Variants in INKA2 observed in about 807,000 individuals in gnomAD.
INKA2 encodes inka box actin regulator 2.
Under a neutral mutation model 9.8 loss-of-function variants are expected in INKA2, and 3 were observed. The ratio of observed to expected loss-of-function variants is 0.31; its 90% CI spans 0.14 to 0.79. The LOEUF is 0.79. Among genes scored for constraint, INKA2 ranks in the 30% least tolerant of loss-of-function variants. The probability of loss-of-function intolerance (pLI) is 0.62; values close to 1 mark genes in which losing one functional copy is unlikely to be tolerated. For missense variants in INKA2, 392 were observed against 384.4 expected (o/e 1.02, Z -0.17); for synonymous variants, 147 against 143.3 (o/e 1.03, Z -0.18).
chr1:111,754,030 AG>A (rs1413681336), intron 1 of INKA2: 3 of 152,394 alleles, frequency 2.0e-5, no homozygotes, highest in Middle Eastern at 3.4e-3. Flanking sequence ...CTCTGGCCAG[AG>A]AAACCATTCA....
At chr1:111,749,422 GT>G (rs1309259434) in intron 1 of INKA2, among the ~76,000 whole-genome samples, 79 of 64,362 alleles carry the variant, frequency 1.2e-3, no homozygotes, top group African/African-American at 6.0e-3. Context: ...GTGTGTTGGG[GT>G]GTGTGTGTGT....
At chr1:111,744,375 A>C (rs573132383), upstream of INKA2, 1 of 152,306 alleles carries the variant, frequency 6.6e-6, no homozygotes, top group African/African-American at 2.4e-5. Context: ...TCTCTTACAG[A>C]TGGAGCAACT....
Position 111,723,183 on chromosome 1 carries a change from T to C in INKA2, c.*3785A>G, listed in dbSNP as rs1662686335. The C allele has an allele frequency of 3.1e-6, 2 of 655,016 alleles. No homozygotes were observed. The highest frequency in any genetic ancestry group is 3.3e-5 in the South Asian group (2 of 60,734). The allele number at this position is 655,016 out of a possible 1,614,324, so 40.6% of individuals were successfully genotyped here. ...GTGGGGACAAGGTGTGCTCTTGCTC[T>C]TGTCCAGACCACGTAGGAAACGATG... On this transcript the variant is annotated 3_prime_UTR_variant, in exon 2 of 2. Coordinates refer to ENST00000357260, the MANE Select transcript of INKA2 (RefSeq NM_019099.5).
intron 1 of INKA2, among the ~76,000 whole-genome samples, chr1:111,751,961 A>G (rs1019599287): frequency 2.0e-5 from 3 of 149,020 alleles, no homozygotes; most frequent in African/African-American, 7.4e-5. Context: ...TTTTTTTTGC[A>G]AGAAGGTATA....
chr1:111,748,701 C>T (rs114608311), intron 1 of INKA2, among the ~76,000 whole-genome samples: 434 of 152,268 alleles, frequency 2.9e-3, no homozygotes, highest in African/African-American at 9.3e-3. Context: ...TGCTGCTCTC[C>T]CTCATCTGTT....
chr1:111,741,176 T>C (rs1487746694), upstream of INKA2, among the ~76,000 whole-genome samples: 2 of 151,936 alleles, frequency 1.3e-5, no homozygotes, highest in African/African-American at 4.8e-5. Flanking sequence ...TTGAATGGCC[T>C]CCACTTAACA....
chr1:111,750,090 G>A (rs1478059802), intron 1 of INKA2, among the ~76,000 whole-genome samples: 1 of 152,220 alleles, frequency 6.6e-6, no homozygotes, highest in Non-Finnish European at 1.5e-5. Context: ...GAGCAAACAC[G>A]CCACCTTCCT....
At chr1:111,741,062 A>G (rs1280155820), upstream of INKA2, among the ~76,000 whole-genome samples, 1 of 145,914 alleles carries the variant, frequency 6.9e-6, no homozygotes, top group Non-Finnish European at 1.5e-5. Context: ...AGAGAGACAC[A>G]GAGACATGGC....
intron 1 of INKA2, among the ~76,000 whole-genome samples, chr1:111,731,804 A>G (rs1371143682): frequency 6.6e-6 from 1 of 152,258 alleles, no homozygotes; most frequent in Non-Finnish European, 1.5e-5. Context: ...TACTTTCACA[A>G]CATTTCTTCC....
intron 1 of INKA2, among the ~76,000 whole-genome samples, chr1:111,750,241 G>A (rs1428858883): frequency 1.3e-5 from 2 of 152,204 alleles, no homozygotes; most frequent in Non-Finnish European, 2.9e-5. Flanking sequence ...CATGGTGGGG[G>A]GTGGCTGTGC....
At chr1:111,743,254 G>T (rs187745697), upstream of INKA2, among the ~76,000 whole-genome samples, 2 of 152,244 alleles carry the variant, frequency 1.3e-5, no homozygotes, top group East Asian at 3.9e-4. Flanking sequence ...AAATAATAAA[G>T]AAATCAAAGG....
At chr1:111,740,591 G>A (rs1663122024), upstream of INKA2, among the ~76,000 whole-genome samples, 1 of 151,944 alleles carries the variant, frequency 6.6e-6, no homozygotes, top group South Asian at 2.1e-4. Context: ...AGGTCTCTGA[G>A]TGGGACAACT....
intron 1 of INKA2, among the ~76,000 whole-genome samples, chr1:111,751,274 A>ATTG (rs1663405721): frequency 6.6e-6 from 1 of 152,214 alleles, no homozygotes; most frequent in South Asian, 2.1e-4. Context: ...GAAGAAAGCT[A>ATTG]TTGCTCTTTG....
chr1:111,741,650 G>A (rs911850689), upstream of INKA2, among the ~76,000 whole-genome samples: 3 of 152,212 alleles, frequency 2.0e-5, no homozygotes, highest in Admixed American at 2.0e-4. Flanking sequence ...TCCATCTCCA[G>A]TCTCCAGCAC....
intron 1 of INKA2, chr1:111,747,709 T>A (rs1663305389): frequency 6.6e-6 from 1 of 152,114 alleles, no homozygotes; most frequent in Non-Finnish European, 1.5e-5. Context: ...TCCTCCCTAT[T>A]GAAAAAGAAA....
chr1:111,728,070 C>CACAG (rs1553231320), intron 1 of INKA2, among the ~76,000 whole-genome samples: 2 of 148,164 alleles, frequency 1.3e-5, no homozygotes, highest in African/African-American at 2.5e-5. Flanking sequence ...CACACACACA[C>CACAG]ACAGACATTT....
At chr1:111,754,611 C>T (rs1020424353) in intron 1 of INKA2, 1 of 152,258 alleles carries the variant, frequency 6.6e-6, no homozygotes, top group Non-Finnish European at 1.5e-5. Flanking sequence ...AATCCTCCCG[C>T]CTCAGCCTCC....
At chr1:111,753,733 T>C (rs2101405644) in intron 1 of INKA2, 1 of 152,302 alleles carries the variant, frequency 6.6e-6, no homozygotes, top group Non-Finnish European at 1.5e-5. Context: ...ACCAGGTGCT[T>C]GGTGCTGGCC....
At chr1:111,730,967 C>T (rs939722221) in intron 1 of INKA2, among the ~76,000 whole-genome samples, 6 of 152,180 alleles carry the variant, frequency 3.9e-5, no homozygotes, top group African/African-American at 1.2e-4. Flanking sequence ...CCCAAGGTTT[C>T]GTTTCACCCA....
Sources: allele counts gnomAD v4.1 joint callset (sites outside exome capture counted in the v4.1 genomes callset), GRCh38; gene constraint gnomAD v4.1.1; transcripts MANE v1.5; gene names NCBI Gene and HGNC (gene_info 2026-07-23, HGNC 2026-07-21).